WDR59: variants seen among roughly 807,000 people sequenced by gnomAD.
WDR59 encodes GATOR2 complex protein WDR59.
Under a neutral mutation model 131.2 loss-of-function variants are expected in WDR59, and 100 were observed. The ratio of observed to expected loss-of-function variants is 0.76; its 90% confidence interval spans 0.65 to 0.90. The LOEUF (loss-of-function observed/expected upper bound fraction) is 0.90. Among genes scored for constraint, WDR59 ranks in the 40% least tolerant of loss-of-function variants. WDR59 has a pLI of 0.00. For synonymous variants in WDR59, 601 were observed against 466.2 expected, an observed-to-expected ratio of 1.29 and a Z score of -3.72; for missense variants, 1,203 against 1,262.2, an observed-to-expected ratio of 0.95 and a Z score of 0.71.
At chr16:74,907,720 A>G (rs959535837) in intron 17 of WDR59, among the ~76,000 whole-genome samples, 2 of 152,270 alleles carry the variant, frequency 1.3e-5, no homozygotes, top group African/African-American at 4.8e-5. Context: ...CTGCGGAACC[A>G]GAAGTCTACT....
chr16:74,951,888 T>C (rs955730810), intron 3 of WDR59, among the ~76,000 whole-genome samples: 7 of 152,044 alleles, frequency 4.6e-5, no homozygotes, highest in African/African-American at 1.7e-4. Context: ...CTCCTCCCTC[T>C]GAAGGTCACA....
chr16:74,926,786 G>T (rs1189439276), intron 8 of WDR59, among the ~76,000 whole-genome samples: 3 of 152,184 alleles, frequency 2.0e-5, no homozygotes, highest in Non-Finnish European at 2.9e-5. Context: ...AATGGAAATG[G>T]AAATGACTTG....
chr16:74,911,918 A>G (rs1204488276), intron 14 of WDR59: 2 of 533,174 alleles, frequency 3.8e-6, no homozygotes, highest in African/African-American at 3.8e-5. Flanking sequence ...AATATTTCTC[A>G]AATCATATGC....
intron 20 of WDR59, among the ~76,000 whole-genome samples, 181 bp downstream of exon 20, chr16:74,892,303 A>G (rs79706585): frequency 0.022 from 3,340 of 152,304 alleles, 128 homozygotes; most frequent in African/African-American, 0.074. Flanking sequence ...TGAGCACCAA[A>G]AAGAAAAAAT....
intron 17 of WDR59, among the ~76,000 whole-genome samples, chr16:74,905,062 T>C (rs1231250582): frequency 1.3e-5 from 2 of 152,270 alleles, no homozygotes; most frequent in African/African-American, 2.4e-5. Flanking sequence ...TTTTTATTTA[T>C]TTTTCTATAA....
At chr16:74,948,682 G>A in intron 5 of WDR59, 126 bp from the exon 6 acceptor site, 1 of 781,318 alleles carries the variant, frequency 1.3e-6, no homozygotes, top group Non-Finnish European at 2.2e-6. Flanking sequence ...TAGATCCGCT[G>A]TGAGGGCCTT....
At chr16:74,915,052 G>A (rs534030835) in intron 13 of WDR59, among the ~76,000 whole-genome samples, 1 of 152,224 alleles carries the variant, frequency 6.6e-6, no homozygotes, top group Non-Finnish European at 1.5e-5. Context: ...CTGTTCCACA[G>A]GCTAAGCAAA....
chr16:74,893,841 T>A (rs754071011), intron 18 of WDR59, 29 bp from the exon 19 acceptor site: 1 of 1,609,882 alleles, frequency 6.2e-7, no homozygotes, highest in South Asian at 1.1e-5. Context: ...ATGTAACTAA[T>A]GGGGACTTTG....
At chr16:74,940,380 C>CA (rs1171260871) in intron 7 of WDR59, among the ~76,000 whole-genome samples, 2,524 of 101,238 alleles carry the variant, frequency 0.025, 69 homozygotes, top group African/African-American at 0.079. Context: ...CTCTGTCTCC[C>CA]AAAAAAAAAA....
chr16:74,902,858 T>C (rs979168399), intron 18 of WDR59, among the ~76,000 whole-genome samples: 1 of 151,860 alleles, frequency 6.6e-6, no homozygotes, highest in Non-Finnish European at 1.5e-5. Context: ...AGGTCTGTAC[T>C]AGCCAAGTGG....
At position 74,872,528 on chromosome 16, in the gene WDR59, C is replaced by T. The variant is rs1964028897; in HGVS notation, c.*1681G>A. The stretch of plus-strand genomic sequence containing the variant: ...TGAGCTATGATTGCATCACCACTCT[C>T]CAGTCTGGGTGACAGAGTGAGACCC... On this transcript the variant is annotated 3_prime_UTR_variant, in exon 26 of 26. Transcript: ENST00000262144. The T allele has an allele frequency of 6.7e-6, 1 of 149,662 alleles. No individual in the cohort carries two copies. The highest frequency in any genetic ancestry group is 2.5e-5 in the African/African-American group (1 of 40,702). 9.3% of individuals were successfully genotyped at this position (149,662 alleles called of 1,614,324 possible).
At chr16:74,974,267 G>T (rs185459093) in intron 1 of WDR59, among the ~76,000 whole-genome samples, 13 of 152,234 alleles carry the variant, frequency 8.5e-5, no homozygotes, top group African/African-American at 2.4e-4. Flanking sequence ...GGTACTACTA[G>T]GTACGTCACC....
At chr16:74,930,287 G>C (rs1008962684) in intron 8 of WDR59, among the ~76,000 whole-genome samples, 2 of 152,208 alleles carry the variant, frequency 1.3e-5, no homozygotes, top group East Asian at 1.9e-4. Context: ...TTATATGCCT[G>C]TATCAAAATA....
rs552331119 is a variant in WDR59, at chr16:74,888,265, G to A, written c.2250C>T (p.Ser750=). The change falls in exon 22 of 26, where the codon AGC becomes AGT. Residue 750 remains serine, a synonymous_variant. Coordinates refer to ENST00000262144, the MANE Select transcript of WDR59 (RefSeq NM_030581.4). The part of the protein sequence containing the change: ...RDVQTLAMLC[S]VFEAQSRPQG... ...GAGGCCGAGACTGGGCTTCAAACACGCTACAGAGCATCGCCAGTGTCTGAA... is the reference window on the plus strand; with the variant it reads ...GAGGCCGAGACTGGGCTTCAAACACACTACAGAGCATCGCCAGTGTCTGAA... The A allele has an allele frequency of 3.2e-5, 51 of 1,614,024 alleles. No individual in the cohort carries two copies. The East Asian group carries it at 1.0e-3, about 32-fold the overall frequency.
Position 74,885,846 on chromosome 16 carries a change from C to A in WDR59, c.2547-51G>T, listed in dbSNP as rs558741480. Reference sequence around the variant, plus strand: ...GTCAGTTCCTTTAAGAAAAAACAAGCTTCATCCTAAATGGCACTTAATATA... The same window carrying A: ...GTCAGTTCCTTTAAGAAAAAACAAGATTCATCCTAAATGGCACTTAATATA... On this transcript the variant is annotated intron_variant, in intron 24 of 25. Coordinates refer to ENST00000262144, the MANE Select transcript of WDR59 (RefSeq NM_030581.4). 9 of 1,598,708 alleles carry A rather than the reference C, an allele frequency of 5.6e-6. 1 individual carries two copies. The highest frequency in any genetic ancestry group is 4.0e-5 in the African/African-American group (3 of 74,122).
At chr16:74,981,647 TATATATATATATA>T (rs1323556810) in intron 1 of WDR59, among the ~76,000 whole-genome samples, 540 of 7,464 alleles carry the variant, frequency 0.072, 51 homozygotes, top group African/African-American at 0.13. Flanking sequence ...TATATATATA[TATATATATATATA>T]TTTTTTTTTT....
At chr16:74,966,356 T>C (rs1287100001) in intron 1 of WDR59, among the ~76,000 whole-genome samples, 1 of 152,096 alleles carries the variant, frequency 6.6e-6, no homozygotes. Context: ...GGTGGACACC[T>C]GTAATCCCAG....
At chr16:74,899,666 G>A in intron 18 of WDR59, 1 of 1,287,324 alleles carries the variant, frequency 7.8e-7, no homozygotes, top group Non-Finnish European at 1.0e-6. Flanking sequence ...GACAGGATTA[G>A]TTAAGGAGAG....
In WDR59 at chr16:74,942,788, T is replaced by C. The variant is rs1170442540; in HGVS notation, c.484A>G (p.Asn162Asp). 3 of 1,611,968 alleles carry C rather than the reference T, an allele frequency of 1.9e-6. No individual in the cohort carries two copies. The highest frequency in any genetic ancestry group is 2.5e-6 in the Non-Finnish European group (3 of 1,179,488). ...CCGTCATGGCTGGTGGCAAGGCAGT[T>C]AGCATTTTTTTTATTCCATTTGACC... ...SQVKWNKKNA[N>D]CLATSHDGDV... Residue 162 changes from asparagine (N) to aspartate (D), a missense_variant, in exon 7 of 26, where the codon AAC becomes GAC. Coordinates refer to ENST00000262144, the MANE Select transcript of WDR59 (RefSeq NM_030581.4).
Sources: allele counts gnomAD v4.1 joint callset (sites outside exome capture counted in the v4.1 genomes callset), GRCh38; gene constraint gnomAD v4.1.1; transcripts MANE v1.5; gene names NCBI Gene and HGNC (gene_info 2026-07-23, HGNC 2026-07-21).